Variants in AGBL1 observed in about 807,000 individuals in gnomAD.
AGBL1 encodes cytosolic carboxypeptidase 4.
A neutral mutation model predicts 118.9 loss-of-function variants in AGBL1; 130 were observed. The ratio of observed to expected loss-of-function variants is 1.09; its 90% CI spans 0.95 to 1.26. AGBL1 has a LOEUF of 1.26. Among genes scored for constraint, AGBL1 ranks in the 50% most tolerant of loss-of-function variants. The pLI is 0.00. For synonymous variants in AGBL1, 555 were observed against 478.9 expected, an observed-to-expected ratio of 1.16 and a Z score of -2.08; for missense variants, 1,584 against 1,298.1, an observed-to-expected ratio of 1.22 and a Z score of -3.38.
In AGBL1 at chr15:86,264,559, C is replaced by G. The variant is rs8029810; in HGVS notation, c.1388C>G (p.Pro463Arg). ...ESEIPDIQAS[P>R]KADAWDVDAI... ...GAAATCCCTGACATTCAGGCTTCCC[C>G]GAAAGCAGATGCCTGGGACGTAGAT... is the stretch of plus-strand genomic sequence containing the variant. Residue 463 changes from proline to arginine, a missense_variant, in exon 11 of 23, where the codon CCG (proline) becomes CGG (arginine). By Grantham distance (103) the Pro-to-Arg change is moderately radical (BLOSUM62 -2). Coordinates refer to ENST00000614907, the MANE Select transcript of AGBL1 (RefSeq NM_001386094.1). The G allele has an allele frequency of 6.2e-7, 1 of 1,613,984 alleles. No homozygotes were observed. Among genetic ancestry groups the G allele is most frequent in the East Asian group, 2.2e-5 (1 of 44,884 alleles).
chr15:86,353,921 A>G (rs1019346425), intron 17 of AGBL1, among the ~76,000 whole-genome samples: 3 of 152,242 alleles, frequency 2.0e-5, no homozygotes, highest in Non-Finnish European at 4.4e-5. Context: ...AACTTGATAT[A>G]TCCTTGAAAA....
At chr15:86,564,092 A>T (rs2083874362) in intron 21 of AGBL1, among the ~76,000 whole-genome samples, 1 of 152,168 alleles carries the variant, frequency 6.6e-6, no homozygotes. Flanking sequence ...CCAATTTGCC[A>T]GTCTGTGTCT....
Position 86,280,769 on chromosome 15 carries a change from G to T in AGBL1, c.2220+986G>T, listed in dbSNP as rs559839712. Among the ~76,000 whole-genome samples, 3 of 152,136 alleles carry T rather than the reference G, an allele frequency of 2.0e-5. No individual in the cohort carries two copies. In the South Asian group the frequency reaches 6.2e-4, roughly 32 times the overall value. ...GTGCAGGTATAAATGTGAATTTTTCGCATAGAGAAGGCATATCTTGAACCA... is the reference window on the plus strand; with the variant it reads ...GTGCAGGTATAAATGTGAATTTTTCTCATAGAGAAGGCATATCTTGAACCA... On this transcript the variant is annotated intron_variant, in intron 16 of 22. Transcript: ENST00000614907.
chr15:86,945,601 A>G (rs2080809639), intron 23 of AGBL1, among the ~76,000 whole-genome samples: 1 of 152,202 alleles, frequency 6.6e-6, no homozygotes, highest in Admixed American at 6.5e-5. Flanking sequence ...TGAGCCTGGA[A>G]GGCAGAGGTT....
intron 23 of AGBL1, chr15:86,935,330 A>T (rs1240492620): frequency 6.6e-6 from 1 of 152,218 alleles, no homozygotes; most frequent in African/African-American, 2.4e-5. Flanking sequence ...TACATGTGAC[A>T]TTAAAATTAA....
At chr15:86,204,639 G>C (rs747917319) in intron 5 of AGBL1, among the ~76,000 whole-genome samples, 28 of 152,056 alleles carry the variant, frequency 1.8e-4, no homozygotes, top group Non-Finnish European at 3.1e-4. Flanking sequence ...ACCCAGGCTG[G>C]AGTGCAGTGG....
intron 22 of AGBL1, among the ~76,000 whole-genome samples, chr15:86,721,115 T>C (rs1463870661): frequency 1.3e-5 from 2 of 151,934 alleles, no homozygotes; most frequent in Non-Finnish European, 2.9e-5. Context: ...TTCCAATCAA[T>C]AGAAAAAGAG....
chr15:86,652,261 G>A (rs2437786), intron 21 of AGBL1, among the ~76,000 whole-genome samples: 64,300 of 151,830 alleles, frequency 0.42, 14,439 homozygotes, highest in Middle Eastern at 0.57. Context: ...AGGGAGCTTC[G>A]CAGCTGTGAC....
intron 7 of AGBL1, among the ~76,000 whole-genome samples, chr15:86,256,522 C>T (rs1156294526): frequency 6.6e-6 from 1 of 152,244 alleles, no homozygotes; most frequent in Non-Finnish European, 1.5e-5. Context: ...CCTCTTCCCC[C>T]AGCTATCCTG....
chr15:87,021,597 G>T (rs1385997061), intron 24 of AGBL1, among the ~76,000 whole-genome samples: 2 of 152,048 alleles, frequency 1.3e-5, no homozygotes, highest in Non-Finnish European at 2.9e-5. Flanking sequence ...ATCTATCCAT[G>T]TGACAAAGGC....
At chr15:86,738,323 C>T (rs950036874) in intron 22 of AGBL1, among the ~76,000 whole-genome samples, 8 of 152,064 alleles carry the variant, frequency 5.3e-5, no homozygotes, top group Non-Finnish European at 1.0e-4. Flanking sequence ...TAGAACAAGA[C>T]AAGGATGCCC....
At chr15:86,235,986 G>A (rs2078535389) in intron 6 of AGBL1, among the ~76,000 whole-genome samples, 2 of 152,210 alleles carry the variant, frequency 1.3e-5, no homozygotes, top group South Asian at 2.1e-4. Context: ...AGGACACTGA[G>A]GCCGAAAGAG....
chr15:87,021,450 A>G (rs963955938), intron 24 of AGBL1, among the ~76,000 whole-genome samples: 5 of 152,170 alleles, frequency 3.3e-5, no homozygotes, highest in Non-Finnish European at 5.9e-5. Context: ...AGATTTCATG[A>G]CAAAAGCACA....
At chr15:86,980,322 A>G (rs1443295789) in intron 23 of AGBL1, among the ~76,000 whole-genome samples, 2 of 152,226 alleles carry the variant, frequency 1.3e-5, no homozygotes, top group African/African-American at 2.4e-5. Flanking sequence ...ATTTTAAACT[A>G]TATTTAATGT....
intron 22 of AGBL1, among the ~76,000 whole-genome samples, chr15:86,870,062 C>G (rs1254609320): frequency 6.6e-6 from 1 of 152,154 alleles, no homozygotes; most frequent in Non-Finnish European, 1.5e-5. Context: ...ATTTAGACTG[C>G]AGGGCCTTTC....
chr15:86,692,282 T>C (rs2086185725), intron 22 of AGBL1, among the ~76,000 whole-genome samples: 2 of 151,998 alleles, frequency 1.3e-5, no homozygotes, highest in South Asian at 2.1e-4. Flanking sequence ...AGATGGCACA[T>C]GGCAAAGGCG....
At chr15:86,288,000 A>C (rs1048834700) in intron 16 of AGBL1, among the ~76,000 whole-genome samples, 2 of 152,172 alleles carry the variant, frequency 1.3e-5, no homozygotes, top group Non-Finnish European at 2.9e-5. Flanking sequence ...TTTTCTAAGC[A>C]CTTTGGCTAT....
intron 22 of AGBL1, among the ~76,000 whole-genome samples, chr15:86,791,424 C>T (rs530797431): frequency 1.3e-5 from 2 of 152,218 alleles, no homozygotes; most frequent in South Asian, 4.1e-4. Context: ...AAGTAATTCA[C>T]CTCACCCATA....
chr15:86,426,734 T>C (rs1170032083), intron 18 of AGBL1, among the ~76,000 whole-genome samples: 8 of 152,216 alleles, frequency 5.3e-5, no homozygotes, highest in African/African-American at 1.7e-4. Context: ...GCTGCTTAAC[T>C]ATTTATTTTG....
Sources: gnomAD v4.1 joint callset for allele counts (sites outside exome capture counted in the v4.1 genomes callset) on GRCh38, gnomAD v4.1.1 for gene constraint, MANE v1.5 for transcripts, NCBI Gene and HGNC (gene_info 2026-07-23, HGNC 2026-07-21) for gene names.